Variants in RIMS1 observed in about 807,000 individuals in gnomAD.
RIMS1 encodes the protein regulating synaptic membrane exocytosis protein 1.
Under a neutral mutation model 214.1 loss-of-function variants are expected in RIMS1, and 83 were observed. That is an observed-to-expected ratio of 0.39 (90% CI 0.32 to 0.47). RIMS1 has a LOEUF of 0.47. Among genes scored for constraint, RIMS1 ranks in the 20% least tolerant of loss-of-function variants. RIMS1 has a pLI of 0.99. For missense variants in RIMS1, 2,050 were observed against 2,161.8 expected, an observed-to-expected ratio of 0.95 and a Z score of 1.03; for synonymous variants, 793 against 786.8, an observed-to-expected ratio of 1.01 and a Z score of -0.13.
At chr6:72,275,136 A>ATATATATG (rs2085582837) in intron 23 of RIMS1, among the ~76,000 whole-genome samples, 1 of 1,716 alleles carries the variant, frequency 5.8e-4, no homozygotes, top group Admixed American at 7.5e-3. Flanking sequence ...ATATATATAT[A>ATATATATG]TATATATATA....
rs2154181898 is a variant in RIMS1, at chr6:72,269,198, A to G, written c.3398+3149A>G. 1.3e-5 allele frequency among the ~76,000 whole-genome samples: 2 copies of G among 152,222 alleles called. 1 individual carries two copies. Among genetic ancestry groups the G allele is most frequent in the Non-Finnish European group, 2.9e-5 (2 of 67,992 alleles). ...GTACTGAAGTTCTTCTGTGGTTTAC[A>G]TTGGCTCCCTAGTTGTTCAGCAACA... On this transcript the variant is annotated intron_variant, in intron 22 of 33. Coordinates refer to ENST00000521978, the MANE Select transcript of RIMS1 (RefSeq NM_014989.7).
intron 4 of RIMS1, among the ~76,000 whole-genome samples, chr6:72,143,344 T>A (rs1211715346): frequency 1.3e-5 from 2 of 152,226 alleles, no homozygotes; most frequent in Non-Finnish European, 2.9e-5. Context: ...GGATATTGTT[T>A]AAGTGCCATG....
intron 2 of RIMS1, among the ~76,000 whole-genome samples, chr6:72,062,261 T>C (rs920790349): frequency 1.3e-5 from 2 of 152,220 alleles, no homozygotes; most frequent in African/African-American, 4.8e-5. Flanking sequence ...CATTTCCAAA[T>C]AGTAGTTCAA....
chr6:72,050,975 A>C (rs1824481591), intron 2 of RIMS1, among the ~76,000 whole-genome samples: 1 of 152,160 alleles, frequency 6.6e-6, no homozygotes, highest in African/African-American at 2.4e-5. Flanking sequence ...AGCAATTACC[A>C]GTTCCCAAGT....
chr6:72,296,313 G>T (rs2094090073), intron 26 of RIMS1, among the ~76,000 whole-genome samples: 2 of 151,962 alleles, frequency 1.3e-5, no homozygotes, highest in South Asian at 4.1e-4. Context: ...ATAGATAAAA[G>T]ATTTAATTCT....
intron 1 of RIMS1, among the ~76,000 whole-genome samples, chr6:71,893,625 TG>T (rs1770662122): frequency 6.6e-6 from 1 of 152,226 alleles, no homozygotes; most frequent in African/African-American, 2.4e-5. Context: ...AAATTGCATG[TG>T]TTTAAGAACT....
At chr6:71,970,723 C>G (rs1181093483) in intron 2 of RIMS1, among the ~76,000 whole-genome samples, 1 of 152,180 alleles carries the variant, frequency 6.6e-6, no homozygotes, top group Non-Finnish European at 1.5e-5. Flanking sequence ...AGTCTCTTTG[C>G]TCACTCAATT....
chr6:72,064,307 A>C (rs1237470549), intron 2 of RIMS1, among the ~76,000 whole-genome samples: 1 of 148,680 alleles, frequency 6.7e-6, no homozygotes, highest in African/African-American at 2.5e-5. Context: ...AACAAGAGCA[A>C]AACTCCATAG....
chr6:71,944,608 T>C (rs1206039519), intron 1 of RIMS1, among the ~76,000 whole-genome samples: 1 of 152,036 alleles, frequency 6.6e-6, no homozygotes, highest in Non-Finnish European at 1.5e-5. Context: ...AGTGAGACCA[T>C]TGAGAAGTGA....
intron 2 of RIMS1, among the ~76,000 whole-genome samples, chr6:71,984,209 T>TA (rs1459285444): frequency 1.3e-5 from 2 of 152,092 alleles, no homozygotes; most frequent in African/African-American, 4.8e-5. Context: ...CAAAAAGGCT[T>TA]AAAAAACATC....
rs2048528205 is a variant in RIMS1 at position 72,182,519 on chromosome 6, G to C, written c.1048G>C (p.Asp350His). ...ADEEKQRKEE[D>H]YQTRYRSDPN... ...TGAGGAAAAGCAAAGAAAAGAGGAG[G>C]ATTATCAGACCAGGTACCGCAGCGA... The change falls in exon 6 of 34, where the codon GAT becomes CAT. Residue 350 changes from aspartate (D) to histidine (H), a missense_variant. Coordinates refer to ENST00000521978, the MANE Select transcript of RIMS1 (RefSeq NM_014989.7). The C allele has an allele frequency of 6.3e-7, 1 of 1,583,120 alleles. No homozygotes were observed. Among genetic ancestry groups the C allele is most frequent in the African/African-American group, 1.3e-5 (1 of 74,128 alleles).
At chr6:71,908,817 AT>A (rs916510842) in intron 1 of RIMS1, among the ~76,000 whole-genome samples, 7 of 152,054 alleles carry the variant, frequency 4.6e-5, no homozygotes, top group Admixed American at 1.3e-4. Context: ...ACCACCATAT[AT>A]TTTTGTTTAG....
chr6:72,354,305 A>G (rs546313567), intron 29 of RIMS1, among the ~76,000 whole-genome samples: 27 of 152,218 alleles, frequency 1.8e-4, no homozygotes, highest in Non-Finnish European at 3.2e-4. Context: ...CCATGGGGAC[A>G]GTTTTCTCAC....
chr6:72,012,720 T>C (rs1401404716), intron 2 of RIMS1, among the ~76,000 whole-genome samples: 1 of 152,106 alleles, frequency 6.6e-6, no homozygotes, highest in Admixed American at 6.6e-5. Context: ...CTGCTTGGCA[T>C]TGGTAAAGAA....
rs1410122886 is a variant in RIMS1, at chr6:72,400,515, A to G, written c.4880A>G (p.Tyr1627Cys). 4 of 1,613,906 alleles carry G rather than the reference A, an allele frequency of 2.5e-6. No homozygotes were observed. Among genetic ancestry groups the G allele is most frequent in the African/African-American group, 1.3e-5 (1 of 74,918 alleles). Residue 1627 changes from tyrosine (Y) to cysteine (C), a missense_variant, in exon 34 of 34, where the codon TAT becomes TGT. By Grantham distance (194) the Tyr-to-Cys change is radical. Transcript: ENST00000521978. ...KVLQVIVWGDYGRMDHKCFMG... is the reference protein window; with the variant it reads ...KVLQVIVWGDCGRMDHKCFMG... ...CTGCAGGTGATTGTCTGGGGAGACT[A>G]TGGCAGAATGGACCACAAATGCTTT... is the stretch of plus-strand genomic sequence containing the variant.
rs1271009394 is a variant in RIMS1 at position 72,401,253 on chromosome 6, A to T, written c.*539A>T. 6.5e-6 allele frequency: 1 copy of T among 153,286 alleles called. No homozygotes were observed. The highest frequency in any genetic ancestry group is 1.5e-5 in the Non-Finnish European group (1 of 68,560). 9.5% of individuals were successfully genotyped at this position (153,286 alleles called of 1,614,324 possible). On this transcript the variant is annotated 3_prime_UTR_variant, in exon 34 of 34. Coordinates refer to ENST00000521978, the MANE Select transcript of RIMS1 (RefSeq NM_014989.7). ...TTTTGGCTGTGTCATGACAGGCCTCATGATGCTAACAGAGATTCTTCCCTT... is the reference window on the plus strand; with the variant it reads ...TTTTGGCTGTGTCATGACAGGCCTCTTGATGCTAACAGAGATTCTTCCCTT...
intron 1 of RIMS1, among the ~76,000 whole-genome samples, chr6:71,940,584 T>A (rs963789107): frequency 2.0e-5 from 3 of 152,168 alleles, no homozygotes; most frequent in African/African-American, 7.2e-5. Flanking sequence ...TCAAGACTAT[T>A]GCAATAAGGG....
intron 2 of RIMS1, among the ~76,000 whole-genome samples, chr6:72,071,149 C>T (rs1358232573): frequency 1.3e-5 from 2 of 152,102 alleles, no homozygotes; most frequent in African/African-American, 4.8e-5. Context: ...GTAATCACAG[C>T]ACTTTGGGAG....
chr6:71,887,055 G>T lies in RIMS1; in HGVS notation c.32G>T (p.Arg11Leu). 6.2e-7 allele frequency: 1 copy of T among 1,613,422 alleles called. No individual in the cohort carries two copies. Among genetic ancestry groups the T allele is most frequent in the Non-Finnish European group, 8.5e-7 (1 of 1,179,678 alleles). The change falls in exon 1 of 34, where the codon CGC becomes CTC. Residue 11 changes from arginine (R) to leucine (L), a missense_variant. Transcript: ENST00000521978. Reference sequence around the variant, plus strand: ...TCGGCCGTGGGGCCCCGCGGTCCTCGCCCACCCACGGTGCCTCCCCCCATG... The same window carrying T: ...TCGGCCGTGGGGCCCCGCGGTCCTCTCCCACCCACGGTGCCTCCCCCCATG... The part of the protein sequence containing the change: MSSAVGPRGP[R>L]PPTVPPPMQE...
Sources: allele counts gnomAD v4.1 joint callset (sites outside exome capture counted in the v4.1 genomes callset), GRCh38; gene constraint gnomAD v4.1.1; transcripts MANE v1.5; gene names NCBI Gene and HGNC (gene_info 2026-07-23, HGNC 2026-07-21).